ZC3H12B: variants seen among roughly 807,000 people sequenced by gnomAD.
The protein encoded by ZC3H12B is probable ribonuclease ZC3H12B.
ZC3H12B carries 7 observed loss-of-function variants against 43.9 expected under a neutral mutation model. That is an observed-to-expected ratio of 0.16 (90% confidence interval 0.09 to 0.30). The LOEUF is 0.30. Ranked by LOEUF, ZC3H12B falls within the 10% of genes least tolerant of loss-of-function variation. The probability of loss-of-function intolerance (pLI) is 1.00; values close to 1 mark genes in which losing one functional copy is unlikely to be tolerated. For missense variants in ZC3H12B, 475 were observed against 670.2 expected (o/e 0.71, Z 3.22); for synonymous variants, 222 against 241.7 (o/e 0.92, Z 0.76).
chrX:65,281,536 T>C, the ZC3H12B span, among the ~76,000 whole-genome samples: 1 of 112,286 alleles, frequency 8.9e-6, no homozygotes, highest in Non-Finnish European at 1.9e-5. Flanking sequence ...GTATAGGCAA[T>C]TGGTCTTTGA....
the ZC3H12B span, among the ~76,000 whole-genome samples, chrX:65,340,272 C>T: frequency 0.14 from 15,500 of 111,799 alleles, 2,581 homozygotes; most frequent in African/African-American, 0.47. Flanking sequence ...TTACTTGAGC[C>T]ATGCTGCCTC....
At chrX:65,191,966 C>T in the ZC3H12B span, among the ~76,000 whole-genome samples, 1 of 107,201 alleles carries the variant, frequency 9.3e-6, no homozygotes, top group Non-Finnish European at 1.9e-5. Context: ...CTACACACTG[C>T]CTTGAATGCG....
chrX:65,159,314 G>A, the ZC3H12B span, among the ~76,000 whole-genome samples: 2 of 111,792 alleles, frequency 1.8e-5, no homozygotes, highest in Admixed American at 9.5e-5. Flanking sequence ...GAAAGTCATT[G>A]GTAGCTTGAT....
the ZC3H12B span, among the ~76,000 whole-genome samples, chrX:65,134,826 T>A: frequency 1.8e-5 from 2 of 109,672 alleles, no homozygotes; most frequent in Non-Finnish European, 3.8e-5. Flanking sequence ...GCAAAGGGAG[T>A]TAGGGGTGGG....
the ZC3H12B span, among the ~76,000 whole-genome samples, chrX:65,223,502 C>T: frequency 8.9e-6 from 1 of 112,347 alleles, no homozygotes; most frequent in African/African-American, 3.2e-5. Flanking sequence ...AGCTTCAGCA[C>T]AGCAAAAGAA....
At chrX:65,211,423 C>A in the ZC3H12B span, among the ~76,000 whole-genome samples, 1 of 108,055 alleles carries the variant, frequency 9.3e-6, no homozygotes, top group South Asian at 3.8e-4. Flanking sequence ...ATTTACTGAA[C>A]ACTTAGTATG....
chrX:65,082,862 ACT>A, the ZC3H12B span, among the ~76,000 whole-genome samples: 1 of 111,294 alleles, frequency 9.0e-6, no homozygotes, highest in South Asian at 3.8e-4. Context: ...TCCTCAATAA[ACT>A]CTAGCAAACT....
At chrX:65,248,634 T>C in the ZC3H12B span, among the ~76,000 whole-genome samples, 9 of 112,045 alleles carry the variant, frequency 8.0e-5, no homozygotes, top group African/African-American at 2.9e-4. Context: ...GTTCTACTTT[T>C]AGTTCTTTAA....
At chrX:65,316,368 TTGAAA>T in the ZC3H12B span, among the ~76,000 whole-genome samples, 1 of 111,484 alleles carries the variant, frequency 9.0e-6, no homozygotes, top group Non-Finnish European at 1.9e-5. Flanking sequence ...TTCTGCAAAG[TTGAAA>T]TGAAAGCAAA....
intron 3 of ZC3H12B, among the ~76,000 whole-genome samples, chrX:65,453,688 C>T (rs1253825917): frequency 1.8e-5 from 2 of 108,613 alleles, no homozygotes; most frequent in Non-Finnish European, 3.8e-5. Context: ...TGCCACCGCA[C>T]TCGAGCCTCG....
chrX:65,476,035 G>T (rs2067987644), intron 3 of ZC3H12B, among the ~76,000 whole-genome samples: 1 of 112,056 alleles, frequency 8.9e-6, no homozygotes, highest in Non-Finnish European at 1.9e-5. Context: ...CTTTTCTCTT[G>T]CTGCTTTCAA....
chrX:65,364,874 C>A (rs1292763105), upstream of ZC3H12B, among the ~76,000 whole-genome samples: 1 of 111,507 alleles, frequency 9.0e-6, no homozygotes, highest in Admixed American at 9.5e-5. Context: ...CCAGGACTGG[C>A]AAACTGACTT....
At chrX:65,343,911 T>C in the ZC3H12B span, among the ~76,000 whole-genome samples, 1 of 112,257 alleles carries the variant, frequency 8.9e-6, no homozygotes, top group African/African-American at 3.2e-5. Context: ...GATATGGTTA[T>C]ACATCTACAA....
intron 1 of ZC3H12B, among the ~76,000 whole-genome samples, chrX:65,367,768 AAT>A (rs2066192457): frequency 9.0e-6 from 1 of 111,217 alleles, no homozygotes; most frequent in Non-Finnish European, 1.9e-5. Flanking sequence ...AGGAGGTCTT[AAT>A]TTCATGTGTC....
the ZC3H12B span, among the ~76,000 whole-genome samples, chrX:65,354,189 G>A: frequency 8.9e-6 from 1 of 111,947 alleles, no homozygotes; most frequent in Middle Eastern, 4.2e-3. Context: ...CTCCCAGCAG[G>A]GGTCGACAGA....
chrX:65,053,417 T>C, the ZC3H12B span, among the ~76,000 whole-genome samples: 1 of 111,172 alleles, frequency 9.0e-6, no homozygotes, highest in Non-Finnish European at 1.9e-5. Context: ...TTCATCCATG[T>C]CCCTACAAAG....
the ZC3H12B span, among the ~76,000 whole-genome samples, chrX:65,286,143 C>T: frequency 9.0e-6 from 1 of 111,557 alleles, no homozygotes; most frequent in African/African-American, 3.3e-5. Context: ...TTCACAATAG[C>T]AAAGACATGG....
At chrX:65,374,201 TTA>T (rs2066312287) in intron 2 of ZC3H12B, among the ~76,000 whole-genome samples, 1 of 83,271 alleles carries the variant, frequency 1.2e-5, no homozygotes, top group Non-Finnish European at 2.2e-5. Context: ...GTAATATATA[TTA>T]TATATAGTTA....
chrX:65,057,809 C>T, the ZC3H12B span, among the ~76,000 whole-genome samples: 21 of 111,421 alleles, frequency 1.9e-4, no homozygotes, highest in South Asian at 7.2e-3. Flanking sequence ...TCTAAACTTC[C>T]CTTCTCGCTT....
Sources: allele counts gnomAD v4.1 joint callset (sites outside exome capture counted in the v4.1 genomes callset), GRCh38; gene constraint gnomAD v4.1.1; transcripts MANE v1.5; gene names NCBI Gene and HGNC (gene_info 2026-07-23, HGNC 2026-07-21).